Variants in NBAS observed in about 807,000 individuals in gnomAD.
NBAS encodes the protein NBAS subunit of NRZ tethering complex, also known as NAG/BC035112 fusion.
In NBAS, 219 loss-of-function variants were observed where a neutral mutation model predicts 302.5. The ratio of observed to expected loss-of-function variants is 0.72; its 90% confidence interval spans 0.65 to 0.81. The LOEUF is 0.81. Ranked by LOEUF, NBAS falls within the 30% of genes least tolerant of loss-of-function variation. NBAS has a pLI of 0.00. For synonymous variants in NBAS, 1,118 were observed against 1,021.6 expected, an observed-to-expected ratio of 1.09 and a Z score of -1.80; for missense variants, 2,932 against 2,841.6, an observed-to-expected ratio of 1.03 and a Z score of -0.72.
chr2:15,171,914 T>C (rs1393609663), intron 51 of NBAS, among the ~76,000 whole-genome samples: 2 of 152,236 alleles, frequency 1.3e-5, no homozygotes, highest in Non-Finnish European at 2.9e-5. Flanking sequence ...CCTTACACCT[T>C]GACATCAGAC....
In NBAS at chr2:15,352,025, A is replaced by G; in HGVS notation, c.4146T>C (p.Ser1382=). Residue 1382 remains serine (S), a synonymous_variant, in exon 35 of 52, where the codon AGT becomes AGC. Coordinates refer to ENST00000281513, the MANE Select transcript of NBAS (RefSeq NM_015909.4). ...CTGCTTTACTAGTTAATGGTGAAGC[A>G]CTGATATTTTCCCCTCCTTCATGAT... ...QIHHEGGENI[S]ASPLTSKAVQ... The G allele has an allele frequency of 1.2e-6, 2 of 1,612,552 alleles. No homozygotes were observed. Among genetic ancestry groups the G allele is most frequent in the Non-Finnish European group, 1.7e-6 (2 of 1,178,668 alleles).
At chr2:15,311,314 C>T (rs1490678039) in intron 38 of NBAS, among the ~76,000 whole-genome samples, 1 of 152,160 alleles carries the variant, frequency 6.6e-6, no homozygotes, top group Admixed American at 6.5e-5. Flanking sequence ...CATTTGGGGT[C>T]TGAAGCAGTA....
chr2:15,531,377 C>T (rs1436684173), intron 9 of NBAS, among the ~76,000 whole-genome samples: 1 of 152,054 alleles, frequency 6.6e-6, no homozygotes, highest in Non-Finnish European at 1.5e-5. Flanking sequence ...CATCCATGGC[C>T]GTACCACCCT....
intron 23 of NBAS, among the ~76,000 whole-genome samples, chr2:15,423,742 C>T (rs548974557): frequency 1.2e-4 from 19 of 152,250 alleles, no homozygotes; most frequent in African/African-American, 3.4e-4. Flanking sequence ...GCAATAGGTC[C>T]GAGTCACAAA....
At chr2:15,351,848 T>C in intron 35 of NBAS, 144 bp downstream of exon 35, 2 of 708,956 alleles carry the variant, frequency 2.8e-6, no homozygotes, top group Non-Finnish European at 5.1e-6. Context: ...ACACAAAAGC[T>C]GAAAAGAAAA....
the NBAS span, among the ~76,000 whole-genome samples, chr2:15,073,429 C>T: frequency 2.1e-4 from 29 of 138,554 alleles, no homozygotes; most frequent in African/African-American, 6.7e-4. Flanking sequence ...TGAGCCAAGA[C>T]AACACTATTG....
At chr2:15,256,802 G>A (rs547759646) in intron 44 of NBAS, among the ~76,000 whole-genome samples, 19 of 152,120 alleles carry the variant, frequency 1.2e-4, no homozygotes, top group Non-Finnish European at 1.9e-4. Context: ...TTTCCTGCAC[G>A]TATTGAGGTG....
chr2:15,156,011 C>G, the NBAS span, among the ~76,000 whole-genome samples: 2 of 152,220 alleles, frequency 1.3e-5, no homozygotes, highest in Non-Finnish European at 1.5e-5. Context: ...ATTTCATACT[C>G]TCTTTCATAG....
chr2:15,425,280 T>G (rs1677414775), intron 22 of NBAS, among the ~76,000 whole-genome samples: 1 of 152,332 alleles, frequency 6.6e-6, no homozygotes, highest in South Asian at 2.1e-4. Flanking sequence ...CTACAATGGT[T>G]CTTGTTGTAA....
the NBAS span, among the ~76,000 whole-genome samples, chr2:14,919,311 A>G: frequency 6.6e-6 from 1 of 152,248 alleles, no homozygotes; most frequent in African/African-American, 2.4e-5. Context: ...AAAAATGTCC[A>G]TACCTTAATT....
At chr2:15,040,450 C>T in the NBAS span, among the ~76,000 whole-genome samples, 1 of 152,184 alleles carries the variant, frequency 6.6e-6, no homozygotes, top group African/African-American at 2.4e-5. Context: ...CCTGCCCAGG[C>T]ACGACCACCT....
At chr2:15,164,575 C>A (rs992479935), downstream of NBAS, among the ~76,000 whole-genome samples, 1 of 151,930 alleles carries the variant, frequency 6.6e-6, no homozygotes. Context: ...TCCCAGGAAG[C>A]AAAGCTATAG....
In NBAS at chr2:15,233,668, G is replaced by T. The variant is rs190982917; in HGVS notation, c.6146+877C>A. ...ACAAAGCTTTATTAATTTGAAATTT[G>T]TTCTTTTTTAGAAAAAGTTATGAAA... On this transcript the variant is annotated intron_variant, in intron 46 of 51. Transcript: ENST00000281513. 2.6e-5 allele frequency among the ~76,000 whole-genome samples: 4 copies of T among 152,132 alleles called. No individual in the cohort carries two copies. In the East Asian group the frequency reaches 5.8e-4, roughly 22 times the overall value.
chr2:15,259,402 G>A (rs1240706334), intron 44 of NBAS, among the ~76,000 whole-genome samples: 5 of 152,130 alleles, frequency 3.3e-5, no homozygotes, highest in Admixed American at 6.5e-5. Flanking sequence ...TCCAGTCCCC[G>A]TCAAAATGCC....
the NBAS span, among the ~76,000 whole-genome samples, chr2:15,060,882 A>G: frequency 6.6e-6 from 1 of 152,224 alleles, no homozygotes; most frequent in Non-Finnish European, 1.5e-5. Flanking sequence ...CCGACTTCCC[A>G]GTAAACAAAA....
At chr2:15,124,244 G>T in the NBAS span, among the ~76,000 whole-genome samples, 1 of 152,152 alleles carries the variant, frequency 6.6e-6, no homozygotes. Flanking sequence ...ACAGCAATCT[G>T]CCCCTACAGG....
chr2:15,545,117 C>A (rs2148700243), intron 6 of NBAS, among the ~76,000 whole-genome samples: 1 of 152,088 alleles, frequency 6.6e-6, no homozygotes, highest in South Asian at 2.1e-4. Flanking sequence ...TAAATCAAGC[C>A]TCAATAAATG....
intron 41 of NBAS, among the ~76,000 whole-genome samples, chr2:15,288,503 C>T (rs550688954): frequency 6.8e-4 from 103 of 152,284 alleles, no homozygotes; most frequent in African/African-American, 2.4e-3. Flanking sequence ...ACTGGGTCCT[C>T]AGGCCTGCTA....
At chr2:14,892,222 T>A in the NBAS span, among the ~76,000 whole-genome samples, 1 of 152,056 alleles carries the variant, frequency 6.6e-6, no homozygotes, top group Non-Finnish European at 1.5e-5. Flanking sequence ...AGTAAAGCCT[T>A]CAGCAAACAC....
Sources: allele counts gnomAD v4.1 joint callset (sites outside exome capture counted in the v4.1 genomes callset), GRCh38; gene constraint gnomAD v4.1.1; transcripts MANE v1.5; gene names NCBI Gene and HGNC (gene_info 2026-07-23, HGNC 2026-07-21).